The following PLPPR1 variants were observed in gnomAD, a reference collection of about 807,000 sequenced individuals.
The protein encoded by PLPPR1 is phospholipid phosphatase related 1.
In PLPPR1, 10 loss-of-function variants were observed where a neutral mutation model predicts 33.1. That is an observed-to-expected ratio of 0.30 (90% CI 0.19 to 0.51). PLPPR1 has a LOEUF of 0.51. Among genes scored for constraint, PLPPR1 ranks in the 20% least tolerant of loss-of-function variants. PLPPR1 has a pLI of 0.97. For missense variants in PLPPR1, 304 were observed against 408.1 expected (o/e 0.74, Z 2.20); for synonymous variants, 151 against 151.0 (o/e 1.00, Z 0.00).
chr9:101,104,480 G>A (rs913535394), intron 1 of PLPPR1, among the ~76,000 whole-genome samples: 512 of 102,848 alleles, frequency 5.0e-3, no homozygotes, highest in East Asian at 0.015. Flanking sequence ...AACCAGCCTT[G>A]CATCCCAGGG....
At chr9:101,108,154 C>T (rs929690242) in intron 1 of PLPPR1, among the ~76,000 whole-genome samples, 13 of 146,826 alleles carry the variant, frequency 8.9e-5, no homozygotes, top group African/African-American at 3.4e-4. Flanking sequence ...TGTTCCTATT[C>T]GGCCATCTTG....
At chr9:101,062,467 C>A (rs532628295) in intron 1 of PLPPR1, among the ~76,000 whole-genome samples, 4 of 151,892 alleles carry the variant, frequency 2.6e-5, no homozygotes, top group Non-Finnish European at 5.9e-5. Context: ...AATAAGCAAA[C>A]CTTTTGATAG....
chr9:101,131,357 T>C (rs1239714211), intron 1 of PLPPR1, among the ~76,000 whole-genome samples: 2 of 152,198 alleles, frequency 1.3e-5, no homozygotes, highest in African/African-American at 4.8e-5. Flanking sequence ...AGCAGTATTT[T>C]TGTTTAAAAG....
At chr9:101,122,359 C>G (rs1174386512) in intron 1 of PLPPR1, among the ~76,000 whole-genome samples, 1 of 152,120 alleles carries the variant, frequency 6.6e-6, no homozygotes, top group Non-Finnish European at 1.5e-5. Context: ...ATAATATTAC[C>G]AGCAAACAGT....
intron 5 of PLPPR1, among the ~76,000 whole-genome samples, chr9:101,311,528 A>C (rs958137858): frequency 3.3e-5 from 5 of 152,362 alleles, no homozygotes; most frequent in Admixed American, 2.0e-4. Context: ...TGGAAAACAT[A>C]ATAGCATGAA....
chr9:101,274,396 A>C (rs1828151227), intron 3 of PLPPR1, among the ~76,000 whole-genome samples: 1 of 152,146 alleles, frequency 6.6e-6, no homozygotes, highest in African/African-American at 2.4e-5. Context: ...GGTTCTGTAC[A>C]TGATTAGACA....
intron 1 of PLPPR1, among the ~76,000 whole-genome samples, chr9:101,136,321 GTATTAGAGT>G (rs1247577515): frequency 1.3e-5 from 2 of 152,200 alleles, no homozygotes; most frequent in Non-Finnish European, 2.9e-5. Context: ...TATGCGGTCA[GTATTAGAGT>G]TGAGAGAGTA....
intron 1 of PLPPR1, among the ~76,000 whole-genome samples, chr9:101,114,642 C>T (rs903946981): frequency 1.3e-5 from 2 of 152,190 alleles, no homozygotes; most frequent in East Asian, 3.9e-4. Context: ...CAGGACACAG[C>T]ACAGTGTAAT....
At chr9:101,267,781 C>T (rs919341720) in intron 2 of PLPPR1, among the ~76,000 whole-genome samples, 2 of 152,164 alleles carry the variant, frequency 1.3e-5, no homozygotes, top group African/African-American at 2.4e-5. Context: ...GTGGGTGGAT[C>T]ATTTGAATTA....
At chr9:101,252,428 AG>A (rs1827727989) in intron 2 of PLPPR1, among the ~76,000 whole-genome samples, 1 of 152,138 alleles carries the variant, frequency 6.6e-6, no homozygotes, top group African/African-American at 2.4e-5. Context: ...AGCCACAAGG[AG>A]TTTGACCGAA....
intron 2 of PLPPR1, among the ~76,000 whole-genome samples, chr9:101,254,954 G>C (rs1428664908): frequency 6.6e-6 from 1 of 152,128 alleles, no homozygotes; most frequent in Non-Finnish European, 1.5e-5. Flanking sequence ...GTGCCAGGTT[G>C]TACTCCAAAA....
rs1380067578 is a variant in PLPPR1 at position 101,285,965 on chromosome 9, C to A, written c.253-139C>A. ...CTTTTGAAGTGTTAAATGCAAATTA[C>A]GATCTAATTCACCATCTCTCTCCAA... On this transcript the variant is annotated intron_variant, in intron 3 of 7. Transcript: ENST00000374874. 2.3e-5 allele frequency: 14 copies of A among 605,456 alleles called. No homozygotes were observed. The East Asian group carries it at 3.6e-4, about 16-fold the overall frequency. 37.5% of individuals were successfully genotyped at this position (605,456 alleles called of 1,614,324 possible).
chr9:101,135,477 GT>G (rs1831367267), intron 1 of PLPPR1, among the ~76,000 whole-genome samples: 1 of 152,120 alleles, frequency 6.6e-6, no homozygotes, highest in South Asian at 2.1e-4. Flanking sequence ...GTCCAGTTTT[GT>G]TTTGTTTGGT....
At chr9:101,109,365 A>G (rs1197600425) in intron 1 of PLPPR1, among the ~76,000 whole-genome samples, 4 of 152,082 alleles carry the variant, frequency 2.6e-5, no homozygotes, top group Admixed American at 1.3e-4. Flanking sequence ...CATCATTTCA[A>G]TAGAAAACTG....
intron 1 of PLPPR1, among the ~76,000 whole-genome samples, chr9:101,059,900 G>A (rs1830323766): frequency 6.6e-6 from 1 of 152,042 alleles, no homozygotes; most frequent in South Asian, 2.1e-4. Flanking sequence ...ATGGAAAACA[G>A]TATGAAGGTT....
intron 1 of PLPPR1, among the ~76,000 whole-genome samples, chr9:101,049,997 C>T (rs543496102): frequency 1.6e-4 from 24 of 151,420 alleles, no homozygotes; most frequent in East Asian, 2.0e-4. Context: ...TGGTGGCGTG[C>T]GCCTGTAGTC....
At chr9:101,323,730 T>C (rs1829198056) in intron 7 of PLPPR1, among the ~76,000 whole-genome samples, 1 of 151,836 alleles carries the variant, frequency 6.6e-6, no homozygotes, top group Non-Finnish European at 1.5e-5. Context: ...TCCCAGCTAC[T>C]TGGGAGGCTG....
At chr9:101,087,999 T>G (rs1182660380) in intron 1 of PLPPR1, among the ~76,000 whole-genome samples, 2 of 152,072 alleles carry the variant, frequency 1.3e-5, no homozygotes, top group Admixed American at 1.3e-4. Flanking sequence ...TGGTAGAGAG[T>G]TTGTCAACAC....
chr9:101,323,630 G>A lies in PLPPR1; in HGVS notation c.946-395G>A, dbSNP rs559105115. Reference sequence around the variant, plus strand: ...TGGGGCGGGTGGATCACCTGAGGTCGGGAGTTCGATACCAGCCTGACCAAC... The same window carrying A: ...TGGGGCGGGTGGATCACCTGAGGTCAGGAGTTCGATACCAGCCTGACCAAC... On this transcript the variant is annotated intron_variant, in intron 7 of 7. Transcript: ENST00000374874. 2.2e-3 allele frequency among the ~76,000 whole-genome samples: 331 copies of A among 151,890 alleles called. 5 individuals carry two copies. Among genetic ancestry groups the A allele is most frequent in the African/African-American group, 7.8e-3 (322 of 41,432 alleles).
Sources: gnomAD v4.1 joint callset for allele counts (sites outside exome capture counted in the v4.1 genomes callset) on GRCh38, gnomAD v4.1.1 for gene constraint, MANE v1.5 for transcripts, NCBI Gene and HGNC (gene_info 2026-07-23, HGNC 2026-07-21) for gene names.